The following CEP112 variants were observed in gnomAD, a reference collection of about 807,000 sequenced individuals.
CEP112 encodes centrosomal protein of 112 kDa.
CEP112 carries 127 observed loss-of-function variants against 153.0 expected under a neutral mutation model. The observed-to-expected ratio is 0.83, with a 90% confidence interval of 0.72 to 0.96. CEP112 has a LOEUF of 0.96. Among genes scored for constraint, CEP112 ranks in the 40% least tolerant of loss-of-function variants. CEP112 has a pLI of 0.00. For missense variants in CEP112, 1,089 were observed against 1,101.2 expected (o/e 0.99, Z 0.16); for synonymous variants, 358 against 374.4 (o/e 0.96, Z 0.51).
At chr17:66,094,633 GAAAA>G (rs947100736) in intron 8 of CEP112, among the ~76,000 whole-genome samples, 2 of 151,842 alleles carry the variant, frequency 1.3e-5, no homozygotes, top group African/African-American at 4.8e-5. Context: ...GTCAACAAAA[GAAAA>G]AATAGACAAA....
At position 66,103,152 on chromosome 17, in the gene CEP112, G is replaced by A. The variant is rs367599948; in HGVS notation, c.643-6520C>T. Among the ~76,000 whole-genome samples, 5 of 152,078 alleles carry A rather than the reference G, an allele frequency of 3.3e-5. No individual in the cohort carries two copies. The South Asian group carries it at 8.3e-4, about 25-fold the overall frequency. ...AGGCAGGAGAACTGCTTGAACCCAG[G>A]AGGTGAAGGTTGCAGTGGGCCGAGA... On this transcript the variant is annotated intron_variant, in intron 6 of 26. Coordinates refer to ENST00000535342, the MANE Select transcript of CEP112 (RefSeq NM_001199165.4).
chr17:66,021,389 T>G (rs2145622996), intron 16 of CEP112, among the ~76,000 whole-genome samples: 1 of 152,298 alleles, frequency 6.6e-6, no homozygotes, highest in South Asian at 2.1e-4. Context: ...GGGATACCCC[T>G]CCTTCATAGA....
intron 24 of CEP112, among the ~76,000 whole-genome samples, chr17:65,678,354 C>T (rs2047339289): frequency 6.6e-6 from 1 of 152,096 alleles, no homozygotes; most frequent in Admixed American, 6.6e-5. Flanking sequence ...GCTTGCCCAC[C>T]AATTTTAAAA....
intron 6 of CEP112, among the ~76,000 whole-genome samples, chr17:66,115,441 A>G (rs1301899123): frequency 6.6e-6 from 1 of 152,222 alleles, no homozygotes; most frequent in African/African-American, 2.4e-5. Context: ...CAGCTCATCT[A>G]CTGGGACAGT....
chr17:66,151,124 C>T (rs1229752553), intron 4 of CEP112, among the ~76,000 whole-genome samples: 3 of 151,900 alleles, frequency 2.0e-5, no homozygotes, highest in Admixed American at 1.3e-4. Context: ...TTGGCTCTTG[C>T]TTTTTTTATC....
At chr17:65,997,446 C>T (rs1389363028) in intron 17 of CEP112, among the ~76,000 whole-genome samples, 2 of 152,098 alleles carry the variant, frequency 1.3e-5, no homozygotes, top group African/African-American at 4.8e-5. Flanking sequence ...AGAGTTTTAG[C>T]TATTTCCAGA....
chr17:65,931,312 A>C (rs941128493), intron 18 of CEP112, among the ~76,000 whole-genome samples: 1 of 152,226 alleles, frequency 6.6e-6, no homozygotes, highest in African/African-American at 2.4e-5. Flanking sequence ...ATGCTCTTGG[A>C]TTACAGAACT....
chr17:65,749,052 C>T (rs7208494), intron 22 of CEP112, among the ~76,000 whole-genome samples: 16,649 of 152,118 alleles, frequency 0.11, 1,562 homozygotes, highest in African/African-American at 0.25. Context: ...TTGCAAGAAT[C>T]TTTTTCAGTG....
At chr17:66,141,162 C>T (rs2070681488) in intron 4 of CEP112, among the ~76,000 whole-genome samples, 2 of 149,544 alleles carry the variant, frequency 1.3e-5, no homozygotes, top group Admixed American at 6.6e-5. Flanking sequence ...ATTTTTTGAG[C>T]TGGTTTTCTA....
chr17:65,688,189 A>G (rs1686757707), intron 24 of CEP112: 1 of 152,270 alleles, frequency 6.6e-6, no homozygotes, highest in African/African-American at 2.4e-5. Flanking sequence ...TTTTGAAAAG[A>G]ATGGAAAGAA....
At chr17:65,648,805 C>CTCTG (rs1305131131) in intron 24 of CEP112, among the ~76,000 whole-genome samples, 1 of 152,168 alleles carries the variant, frequency 6.6e-6, no homozygotes, top group Non-Finnish European at 1.5e-5. Context: ...AATCCCAGCA[C>CTCTG]TCTGGGAGGC....
intron 21 of CEP112, among the ~76,000 whole-genome samples, chr17:65,760,916 G>C (rs2052574545): frequency 6.6e-6 from 1 of 151,994 alleles, no homozygotes. Context: ...ATTAATTATT[G>C]ATTCGATTGC....
chr17:65,643,464 AT>A (rs35436538), intron 24 of CEP112, among the ~76,000 whole-genome samples: 93,113 of 146,662 alleles, frequency 0.63, 29,624 homozygotes, highest in East Asian at 0.93. Flanking sequence ...CACCTGGCTA[AT>A]TTTTTTTTTT....
At chr17:66,126,974 G>A (rs2069878633) in intron 6 of CEP112, among the ~76,000 whole-genome samples, 1 of 152,064 alleles carries the variant, frequency 6.6e-6, no homozygotes, top group African/African-American at 2.4e-5. Context: ...CAAAATCTAA[G>A]CTTTCTAATA....
chr17:65,929,997 G>A (rs7224895), intron 18 of CEP112, among the ~76,000 whole-genome samples: 72,429 of 151,782 alleles, frequency 0.48, 18,246 homozygotes, highest in East Asian at 0.89. Context: ...TCAAAGCAAT[G>A]CAGTATTTTA....
intron 17 of CEP112, among the ~76,000 whole-genome samples, chr17:65,970,486 TG>T (rs2062683283): frequency 1.4e-5 from 1 of 69,980 alleles, no homozygotes; most frequent in African/African-American, 3.8e-5. Context: ...ATTACATGCA[TG>T]CACACTACAT....
chr17:65,970,529 T>C (rs1245042962), intron 17 of CEP112, among the ~76,000 whole-genome samples: 2 of 151,928 alleles, frequency 1.3e-5, no homozygotes, highest in Admixed American at 6.5e-5. Flanking sequence ...TAAATACATG[T>C]ATAACACATG....
chr17:65,731,953 T>C (rs1367509926), intron 23 of CEP112, among the ~76,000 whole-genome samples: 1 of 152,238 alleles, frequency 6.6e-6, no homozygotes, highest in Non-Finnish European at 1.5e-5. Flanking sequence ...TGGAATCAAC[T>C]TCTTCCAAAC....
At chr17:66,170,435 A>G (rs1190231117) in intron 4 of CEP112, among the ~76,000 whole-genome samples, 1 of 152,196 alleles carries the variant, frequency 6.6e-6, no homozygotes, top group Non-Finnish European at 1.5e-5. Context: ...TCATGCTCCA[A>G]ACTCAAATAT....
Sources: allele counts gnomAD v4.1 joint callset (sites outside exome capture counted in the v4.1 genomes callset), GRCh38; gene constraint gnomAD v4.1.1; transcripts MANE v1.5; gene names NCBI Gene and HGNC (gene_info 2026-07-23, HGNC 2026-07-21).